SORCS3: variants seen among roughly 807,000 people sequenced by gnomAD.
The protein encoded by SORCS3 is VPS10 domain-containing receptor SorCS3.
A neutral mutation model predicts 146.3 loss-of-function variants in SORCS3; 57 were observed. That is an observed-to-expected ratio of 0.39 (90% CI 0.31 to 0.49). The LOEUF is 0.49. Among genes scored for constraint, SORCS3 ranks in the 20% least tolerant of loss-of-function variants. SORCS3 has a pLI of 0.92. For synonymous variants in SORCS3, 653 were observed against 618.5 expected (o/e 1.06, Z -0.83); for missense variants, 1,341 against 1,575.5 (o/e 0.85, Z 2.52).
intron 1 of SORCS3, among the ~76,000 whole-genome samples, chr10:104,778,173 C>A (rs941485731): frequency 5.3e-5 from 8 of 152,138 alleles, no homozygotes; most frequent in Admixed American, 3.9e-4. Flanking sequence ...ATCCCAATTA[C>A]CCTGATTTGA....
intron 3 of SORCS3, among the ~76,000 whole-genome samples, chr10:104,942,615 A>C (rs907243343): frequency 1.3e-5 from 2 of 152,236 alleles, no homozygotes; most frequent in Admixed American, 1.3e-4. Flanking sequence ...GGTTTATTTT[A>C]GGAATGCAAG....
chr10:104,907,172 C>T (rs2018915171), intron 2 of SORCS3, among the ~76,000 whole-genome samples: 1 of 150,086 alleles, frequency 6.7e-6, no homozygotes, highest in South Asian at 2.1e-4. Context: ...TCTATTTAGC[C>T]TTTCCCTGAT....
At chr10:104,909,378 A>G (rs1316662006) in intron 2 of SORCS3, among the ~76,000 whole-genome samples, 2 of 152,182 alleles carry the variant, frequency 1.3e-5, no homozygotes, top group Non-Finnish European at 2.9e-5. Flanking sequence ...AAACATGGCA[A>G]CGCAGAAGTT....
chr10:104,682,461 T>G (rs2133266320), intron 1 of SORCS3, among the ~76,000 whole-genome samples: 1 of 152,318 alleles, frequency 6.6e-6, no homozygotes, highest in East Asian at 1.9e-4. Flanking sequence ...GAGGACTCTG[T>G]GTGAATCTGA....
intron 1 of SORCS3, among the ~76,000 whole-genome samples, chr10:104,709,417 T>C (rs1051035503): frequency 3.3e-5 from 5 of 152,238 alleles, no homozygotes; most frequent in African/African-American, 1.2e-4. Flanking sequence ...GTTTTTTTGA[T>C]ATGTACCATC....
intron 3 of SORCS3, among the ~76,000 whole-genome samples, chr10:104,928,049 G>A (rs1394263195): frequency 6.6e-6 from 1 of 152,026 alleles, no homozygotes; most frequent in Non-Finnish European, 1.5e-5. Context: ...AAAGGAAAGG[G>A]CAATCTGATA....
At chr10:105,089,090 G>A (rs921640818) in intron 5 of SORCS3, among the ~76,000 whole-genome samples, 1 of 152,156 alleles carries the variant, frequency 6.6e-6, no homozygotes, top group African/African-American at 2.4e-5. Flanking sequence ...GAAGGTCAGA[G>A]GTCCACGAGG....
intron 7 of SORCS3, among the ~76,000 whole-genome samples, chr10:105,123,002 T>A (rs1450967107): frequency 6.6e-6 from 1 of 152,208 alleles, no homozygotes; most frequent in Admixed American, 6.5e-5. Flanking sequence ...TGAAGCTCAG[T>A]TTCCTTGTGG....
At chr10:104,842,744 T>TTC in intron 1 of SORCS3, 48 bp from the exon 2 acceptor site, 2 of 1,463,464 alleles carry the variant, frequency 1.4e-6, no homozygotes, top group Non-Finnish European at 1.9e-6. Context: ...CTTCCTTTTT[T>TTC]CCCTCCCTTT....
chr10:104,935,776 A>T (rs189928470), intron 3 of SORCS3, among the ~76,000 whole-genome samples: 53 of 152,288 alleles, frequency 3.5e-4, no homozygotes, highest in South Asian at 1.4e-3. Context: ...TGGGCAGAGG[A>T]AATAGCACAT....
At chr10:104,673,898 T>C (rs1472001776) in intron 1 of SORCS3, among the ~76,000 whole-genome samples, 1 of 152,244 alleles carries the variant, frequency 6.6e-6, no homozygotes, top group African/African-American at 2.4e-5. Context: ...AGCTCTATCT[T>C]CACCCCTTTT....
At chr10:104,926,988 G>C (rs1026600664) in intron 3 of SORCS3, among the ~76,000 whole-genome samples, 3 of 152,138 alleles carry the variant, frequency 2.0e-5, no homozygotes, top group African/African-American at 7.2e-5. Flanking sequence ...TTTGCATTAA[G>C]ATTATCCAGA....
At chr10:105,178,198 GGAA>G in intron 14 of SORCS3, 25 bp downstream of exon 14, 1 of 1,555,164 alleles carries the variant, frequency 6.4e-7, no homozygotes, top group South Asian at 1.1e-5. Flanking sequence ...TGCTGTGACA[GGAA>G]GAAGACCAGA....
chr10:105,112,981 C>G (rs962677884), intron 7 of SORCS3, among the ~76,000 whole-genome samples: 8 of 152,156 alleles, frequency 5.3e-5, no homozygotes, highest in African/African-American at 1.7e-4. Flanking sequence ...CAAAGGAGAC[C>G]AGCCTTTCCC....
intron 3 of SORCS3, among the ~76,000 whole-genome samples, chr10:104,957,450 A>G (rs1165141953): frequency 6.6e-6 from 1 of 152,142 alleles, no homozygotes; most frequent in African/African-American, 2.4e-5. Flanking sequence ...CAGAAGTGGC[A>G]GTTGGACCTT....
intron 7 of SORCS3, among the ~76,000 whole-genome samples, chr10:105,113,306 A>G (rs540977477): frequency 9.8e-5 from 15 of 152,346 alleles, no homozygotes; most frequent in Admixed American, 8.5e-4. Flanking sequence ...TGTGATGCAC[A>G]TATTTAATGT....
At chr10:104,869,795 C>T (rs2018499711) in intron 2 of SORCS3, among the ~76,000 whole-genome samples, 1 of 152,224 alleles carries the variant, frequency 6.6e-6, no homozygotes, top group African/African-American at 2.4e-5. Context: ...ATCCTTCTGG[C>T]TAGGTTGTCA....
At chr10:105,165,416 G>A (rs956141387) in intron 12 of SORCS3, among the ~76,000 whole-genome samples, 2 of 152,094 alleles carry the variant, frequency 1.3e-5, no homozygotes, top group Non-Finnish European at 2.9e-5. Flanking sequence ...TATCTTGTTA[G>A]ACAAGTTCCT....
In SORCS3 at chr10:105,245,642, A is replaced by G; in HGVS notation, c.2969A>G (p.Asp990Gly). Residue 990 changes from aspartate (D) to glycine (G), a missense_variant, in exon 21 of 27, where the codon GAC becomes GGC. Coordinates refer to ENST00000369701, the MANE Select transcript of SORCS3 (RefSeq NM_014978.3). ...GCTGCTGGGAATGCCCTCATCCAGG[A>G]CACAAAAGAGATTGCAGTTCATGGT... ...QVAAGNALIQ[D>G]TKEIAVHEYF... The G allele has an allele frequency of 6.2e-7, 1 of 1,614,140 alleles. No homozygotes were observed. Among genetic ancestry groups the G allele is most frequent in the Non-Finnish European group, 8.5e-7 (1 of 1,180,010 alleles).
Sources: gnomAD v4.1 joint callset for allele counts (sites outside exome capture counted in the v4.1 genomes callset) on GRCh38, gnomAD v4.1.1 for gene constraint, MANE v1.5 for transcripts, NCBI Gene and HGNC (gene_info 2026-07-23, HGNC 2026-07-21) for gene names.